The following FHIP2B variants were observed in gnomAD, a reference collection of about 807,000 sequenced individuals.
The protein encoded by FHIP2B is FHF complex subunit HOOK interacting protein 2B, also known as FHF complex subunit HOOK-interacting protein 2B.
FHIP2B carries 72 observed loss-of-function variants against 84.0 expected under a neutral mutation model. The observed-to-expected ratio is 0.86, with a 90% CI of 0.71 to 1.04. The LOEUF (loss-of-function observed/expected upper bound fraction) is 1.04, where lower values mean the gene tolerates loss of function less well. Ranked by LOEUF, FHIP2B falls within the 50% of genes least tolerant of loss-of-function variation. The probability of loss-of-function intolerance (pLI) is 0.00; values close to 1 mark genes in which losing one functional copy is unlikely to be tolerated. For missense variants in FHIP2B, 972 were observed against 968.9 expected (o/e 1.00, Z -0.04); for synonymous variants, 497 against 418.7 (o/e 1.19, Z -2.28).
intron 1 of FHIP2B, among the ~76,000 whole-genome samples, chr8:22,090,382 G>A (rs907680433): frequency 6.6e-6 from 1 of 152,156 alleles, no homozygotes; most frequent in Non-Finnish European, 1.5e-5. Flanking sequence ...TGGGAAGAAA[G>A]TCAGAAACTA....
chr8:22,101,869 G>A lies in FHIP2B; in HGVS notation c.1851+18G>A, dbSNP rs1230856706. On this transcript the variant is annotated intron_variant, in intron 14 of 16. Transcript: ENST00000289921. Reference sequence around the variant, plus strand: ...TGGATCAGGTAGCTAGTGGGCCTGGGCCAGGAGAACTCCAGGCTGGTGCCT... The same window carrying A: ...TGGATCAGGTAGCTAGTGGGCCTGGACCAGGAGAACTCCAGGCTGGTGCCT... 6 of 1,611,672 alleles carry A rather than the reference G, an allele frequency of 3.7e-6. No homozygotes were observed. The highest frequency in any genetic ancestry group is 5.1e-6 in the Non-Finnish European group (6 of 1,179,116).
At position 22,097,595 on chromosome 8, in the gene FHIP2B, A is replaced by T. The variant is rs1326105567; in HGVS notation, c.377A>T (p.Tyr126Phe). ...LAQVQHPLLH[Y>F]LSVHRPVQKL... is the part of the protein sequence containing the mutation. ...CAGGTGCAGCACCCCCTGCTGCATT[A>T]CCTCAGCGTCCACAGGCCTGTGCAG... The change falls in exon 4 of 17, where the codon TAC (tyrosine) becomes TTC (phenylalanine). Residue 126 changes from tyrosine to phenylalanine, a missense_variant. Physicochemically the swap from Tyr to Phe is conservative, Grantham distance 22. Transcript: ENST00000289921. 1.2e-6 allele frequency: 2 copies of T among 1,608,464 alleles called. No individual in the cohort carries two copies. Among genetic ancestry groups the T allele is most frequent in the Non-Finnish European group, 1.7e-6 (2 of 1,177,768 alleles).
In FHIP2B at chr8:22,099,006, T is replaced by G. The variant is rs1202582867; in HGVS notation, c.1024T>G (p.Phe342Val). Residue 342 changes from phenylalanine (F) to valine (V), a missense_variant, in exon 8 of 17, where the codon TTC (phenylalanine) becomes GTC (valine). Transcript: ENST00000289921. ...CCCTGGCAAGGAGGCCTTGGCTGCC[T>G]TCTTGGGCTGGTTTGATTACTGCGA... ...SFPGKEALAA[F>V]LGWFDYCDHL... The G allele has an allele frequency of 6.2e-7, 1 of 1,608,600 alleles. No homozygotes were observed. The highest frequency in any genetic ancestry group is 1.3e-5 in the African/African-American group (1 of 74,848).
chr8:22,091,089 CTT>C (rs933739379), intron 1 of FHIP2B, among the ~76,000 whole-genome samples: 18 of 152,248 alleles, frequency 1.2e-4, no homozygotes, highest in African/African-American at 4.3e-4. Context: ...GGGAATTCCT[CTT>C]TTGTGCTCTA....
intron 1 of FHIP2B, among the ~76,000 whole-genome samples, chr8:22,093,706 G>GTTTTTTTT (rs1328224891): frequency 8.3e-5 from 3 of 36,210 alleles, no homozygotes; most frequent in African/African-American, 1.3e-4. Flanking sequence ...GAAAAGCTTT[G>GTTTTTTTT]TCTTTTTTTT....
chr8:22,102,965 C>T lies in FHIP2B; in HGVS notation c.*34C>T, dbSNP rs199888033. 98 of 1,600,378 alleles carry T rather than the reference C, an allele frequency of 6.1e-5. No homozygotes were observed. In the African/African-American group the frequency reaches 1.2e-3, roughly 19 times the overall value. The stretch of plus-strand genomic sequence containing the variant: ...CAGGGCGGTGGGAGACTCCTGTCCA[C>T]ACCTCTGCCCCAGAGCTGCCTCCTG... On this transcript the variant is annotated 3_prime_UTR_variant, in exon 17 of 17. Transcript: ENST00000289921.
rs574870795 is a variant in FHIP2B at position 22,099,188 on chromosome 8, C to T, written c.1075-96C>T. The T allele has an allele frequency of 3.6e-5, 55 of 1,531,900 alleles. 1 individual carries two copies. The African/African-American group carries it at 5.6e-4, about 16-fold the overall frequency. The allele number at this position is 1,531,900 out of a possible 1,614,324, so 94.9% of individuals were successfully genotyped here. On this transcript the variant is annotated intron_variant, in intron 8 of 16. Transcript: ENST00000289921. Reference sequence around the variant, plus strand: ...AGCGGGGCCCCAGGCGGGCCGGGACCCTCTCCTGTGGCATCAGGCGCCGCG... The same window carrying T: ...AGCGGGGCCCCAGGCGGGCCGGGACTCTCTCCTGTGGCATCAGGCGCCGCG...
intron 1 of FHIP2B, among the ~76,000 whole-genome samples, chr8:22,091,240 C>CTTT (rs71204535): frequency 2.5e-5 from 3 of 117,710 alleles, no homozygotes; most frequent in African/African-American, 9.2e-5. Context: ...ATCATTACAG[C>CTTT]TTTTTTTTTT....
chr8:22,102,736 A>C (rs1826197833), intron 16 of FHIP2B, 57 bp from the exon 17 acceptor site: 2 of 1,606,174 alleles, frequency 1.2e-6, no homozygotes, highest in Non-Finnish European at 1.7e-6. Flanking sequence ...CTGGGCTGTC[A>C]TGCTGGGCAC....
Position 22,097,885 on chromosome 8 carries a change from A to G in FHIP2B, c.525+46A>G, listed in dbSNP as rs752014825. The stretch of plus-strand genomic sequence containing the variant: ...CAGGAGGGGGAGGGCCCAGAACCCC[A>G]GGGCAAGCCCCCTCTGCCCTCCTGA... On this transcript the variant is annotated intron_variant, in intron 5 of 16. Coordinates refer to ENST00000289921, the MANE Select transcript of FHIP2B (RefSeq NM_022749.7). 1.4e-5 allele frequency: 23 copies of G among 1,598,718 alleles called. No homozygotes were observed. The Admixed American group carries it at 1.5e-4, about 11-fold the overall frequency.
In FHIP2B at chr8:22,102,172, C is replaced by T. The variant is rs756027266; in HGVS notation, c.1852-3C>T. The stretch of plus-strand genomic sequence containing the variant: ...CTCGGCTCTGTCCACCATGTTCCTA[C>T]AGCCATACAGCCTGAACCTGCAGGT... On this transcript the variant is annotated splice_polypyrimidine_tract_variant and splice_region_variant and intron_variant, in intron 14 of 16. Transcript: ENST00000289921. The T allele has an allele frequency of 9.9e-6, 16 of 1,613,494 alleles. No individual in the cohort carries two copies. The highest frequency in any genetic ancestry group is 1.3e-5 in the Non-Finnish European group (15 of 1,179,880).
chr8:22,101,991 TCA>T, intron 14 of FHIP2B, 140 bp downstream of exon 14: 1 of 1,500,122 alleles, frequency 6.7e-7, no homozygotes, highest in Non-Finnish European at 8.9e-7. Flanking sequence ...AAGCCCCGTC[TCA>T]CCCCTGCTCC....
At position 22,098,427 on chromosome 8, in the gene FHIP2B, G is replaced by C; in HGVS notation, c.773G>C (p.Ser258Thr). ...AGTTGTATCCTCATCCCCTAGAAGAGTCGGGTGGCCTTGAAGGCCCAGGAG... is the reference window on the plus strand; with the variant it reads ...AGTTGTATCCTCATCCCCTAGAAGACTCGGGTGGCCTTGAAGGCCCAGGAG... ...SLLGLCQSKK[S>T]RVALKAQENL... The change falls in exon 7 of 17, where the codon AGT becomes ACT. Residue 258 changes from serine to threonine, a missense_variant. By Grantham distance (58) the Ser-to-Thr change is moderately conservative. Transcript: ENST00000289921. 3 of 1,593,880 alleles carry C rather than the reference G, an allele frequency of 1.9e-6. No homozygotes were observed. Among genetic ancestry groups the C allele is most frequent in the South Asian group, 1.1e-5 (1 of 88,930 alleles).
chr8:22,096,488 C>A lies in FHIP2B; in HGVS notation c.276C>A (p.Leu92=). The A allele has an allele frequency of 6.5e-7, 1 of 1,547,126 alleles. No homozygotes were observed. Residue 92 remains leucine, a synonymous_variant, in exon 3 of 17, where the codon CTC becomes CTA. Transcript: ENST00000289921. The part of the protein sequence containing the change: ...YLLQHKILET[L]CTLGKAEYPP... ...TGCAGCACAAGATCCTGGAGACTCT[C>A]TGCACGCTGGGCAAGGCCGAGGTGG...
intron 10 of FHIP2B, 161 bp downstream of exon 10, chr8:22,100,054 T>G: frequency 1.4e-6 from 1 of 695,014 alleles, no homozygotes; most frequent in Non-Finnish European, 2.2e-6. Flanking sequence ...TAATTTTCTA[T>G]GATCATATAC....
Position 22,104,011 on chromosome 8 carries a change from C to G in FHIP2B, c.*1080C>G, listed in dbSNP as rs1826270033. ...CACAGTTGCTGGCTTTGCTCCTGGG[C>G]AAGGAGGAGCAGGCCAGAGCCTCTT... On this transcript the variant is annotated 3_prime_UTR_variant, in exon 17 of 17. Coordinates refer to ENST00000289921, the MANE Select transcript of FHIP2B (RefSeq NM_022749.7). 1 of 152,612 alleles carries G rather than the reference C, an allele frequency of 6.6e-6. No individual in the cohort carries two copies. The highest frequency in any genetic ancestry group is 1.5e-5 in the Non-Finnish European group (1 of 68,058). 9.5% of individuals were successfully genotyped at this position (152,612 alleles called of 1,614,324 possible). A position where few individuals can be genotyped will look rare whatever the true frequency, so the allele number is the denominator to read the frequency against.
At chr8:22,100,384 A>G (rs953482392) in intron 10 of FHIP2B, 10 of 473,702 alleles carry the variant, frequency 2.1e-5, no homozygotes, top group African/African-American at 4.0e-5. Context: ...GAAATTGCAC[A>G]TCAAATTAGT....
rs777641408 is a variant in FHIP2B, at chr8:22,098,262, C to T, written c.720C>T (p.Thr240=). The part of the protein sequence containing the change: ...PAETEELDGG[T]TESNLITSLL... Reference sequence around the variant, plus strand: ...AGACCGAGGAGCTGGACGGTGGGACCACAGAGAGCAACCTGATTACCTCCC... The same window carrying T: ...AGACCGAGGAGCTGGACGGTGGGACTACAGAGAGCAACCTGATTACCTCCC... The change falls in exon 6 of 17, where the codon ACC becomes ACT. Residue 240 remains threonine, a synonymous_variant. Transcript: ENST00000289921. 6 of 1,589,930 alleles carry T rather than the reference C, an allele frequency of 3.8e-6. No individual in the cohort carries two copies. In the East Asian group the frequency reaches 1.4e-4, roughly 36 times the overall value.
chr8:22,099,250 A>T, intron 8 of FHIP2B, 34 bp from the exon 9 acceptor site: 1 of 1,610,110 alleles, frequency 6.2e-7, no homozygotes, highest in Non-Finnish European at 8.5e-7. Flanking sequence ...AATTGTAATG[A>T]GGGCAAAACA....
Sources: allele counts gnomAD v4.1 joint callset (sites outside exome capture counted in the v4.1 genomes callset), GRCh38; gene constraint gnomAD v4.1.1; transcripts MANE v1.5; gene names NCBI Gene and HGNC (gene_info 2026-07-23, HGNC 2026-07-21).